The following CCDC141 variants were observed in gnomAD, a reference collection of about 807,000 sequenced individuals.
CCDC141 encodes coiled-coil domain-containing protein 141.
In CCDC141, 168 loss-of-function variants were observed where a neutral mutation model predicts 181.0. The observed-to-expected ratio is 0.93, with a 90% CI of 0.82 to 1.05. CCDC141 has a LOEUF of 1.05. Among genes scored for constraint, CCDC141 ranks in the 50% least tolerant of loss-of-function variants. The probability of loss-of-function intolerance (pLI) is 0.00; values close to 1 mark genes in which losing one functional copy is unlikely to be tolerated. For missense variants in CCDC141, 1,902 were observed against 1,788.5 expected (o/e 1.06, Z -1.14); for synonymous variants, 666 against 642.3 (o/e 1.04, Z -0.56).
At chr2:179,005,287 A>G (rs2042090577) in intron 2 of CCDC141, among the ~76,000 whole-genome samples, 1 of 149,310 alleles carries the variant, frequency 6.7e-6, no homozygotes, top group South Asian at 2.2e-4. Context: ...AGGTTTTCTT[A>G]TACTTGTGAA....
chr2:178,859,755 A>T (rs931580953), intron 17 of CCDC141, among the ~76,000 whole-genome samples: 1 of 152,242 alleles, frequency 6.6e-6, no homozygotes, highest in Non-Finnish European at 1.5e-5. Flanking sequence ...GCTATTTTGA[A>T]ATTAGCAGAA....
At chr2:179,048,939 A>G (rs2043589200) in intron 1 of CCDC141, among the ~76,000 whole-genome samples, 1 of 152,250 alleles carries the variant, frequency 6.6e-6, no homozygotes, top group Non-Finnish European at 1.5e-5. Context: ...ACAAAAGGCC[A>G]GAAAAGTCAT....
At chr2:178,945,850 C>T (rs1000197523) in intron 5 of CCDC141, among the ~76,000 whole-genome samples, 9 of 87,112 alleles carry the variant, frequency 1.0e-4, no homozygotes, top group African/African-American at 3.1e-4. Context: ...ATGACACATG[C>T]GTGCACACAC....
At chr2:178,933,740 C>T (rs112771872) in intron 6 of CCDC141, among the ~76,000 whole-genome samples, 3 of 152,150 alleles carry the variant, frequency 2.0e-5, no homozygotes, top group African/African-American at 7.2e-5. Flanking sequence ...TATTTCATTG[C>T]CCATCTGGTC....
intron 16 of CCDC141, among the ~76,000 whole-genome samples, chr2:178,867,270 C>T (rs1685896189): frequency 2.0e-5 from 3 of 152,112 alleles, no homozygotes; most frequent in Admixed American, 1.3e-4. Context: ...AGATGGTCTT[C>T]CAGATCTGCA....
At position 178,998,039 on chromosome 2, in the gene CCDC141, A is replaced by G. The variant is rs941402140; in HGVS notation, c.226-19364T>C. On this transcript the variant is annotated intron_variant, in intron 2 of 23. Coordinates refer to ENST00000443758, the MANE Select transcript of CCDC141 (RefSeq NM_173648.4). ...ACTTCATATCTGAAAATGCACTTAA[A>G]AGCAAGAGAAATCTCATTTTTGCAT... 6.6e-5 allele frequency among the ~76,000 whole-genome samples: 10 copies of G among 152,178 alleles called. No homozygotes were observed. In the South Asian group the frequency reaches 1.3e-3, roughly 19 times the overall value.
At chr2:178,856,142 A>G in intron 18 of CCDC141, 115 bp downstream of exon 18, 1 of 879,720 alleles carries the variant, frequency 1.1e-6, no homozygotes, top group Non-Finnish European at 1.7e-6. Context: ...TTGAGTCCCA[A>G]TGCTACAAAA....
At chr2:178,910,227 G>A (rs541157686) in intron 7 of CCDC141, among the ~76,000 whole-genome samples, 24 of 152,322 alleles carry the variant, frequency 1.6e-4, no homozygotes, top group East Asian at 1.3e-3. Context: ...AACAAGAGCC[G>A]TGAGTCATCT....
At chr2:178,856,148 C>T (rs1685375841) in intron 18 of CCDC141, 109 bp downstream of exon 18, 3 of 1,021,290 alleles carry the variant, frequency 2.9e-6, no homozygotes, top group South Asian at 2.6e-5. Flanking sequence ...CCCAATGCTA[C>T]AAAAAGCCAG....
rs1166361449 is a variant in CCDC141 at position 178,896,388 on chromosome 2, G to A, written c.1266-7720C>T. Among the ~76,000 whole-genome samples, 6 of 152,150 alleles carry A rather than the reference G, an allele frequency of 3.9e-5. No individual in the cohort carries two copies. The East Asian group carries it at 7.7e-4, about 20-fold the overall frequency. On this transcript the variant is annotated intron_variant, in intron 8 of 23. Coordinates refer to ENST00000443758, the MANE Select transcript of CCDC141 (RefSeq NM_173648.4). ...TTGATGTGCAGCTCCCTGACTGGACGCGGGACAGGTTCTGGGGATTTGGGG... is the reference window on the plus strand; with the variant it reads ...TTGATGTGCAGCTCCCTGACTGGACACGGGACAGGTTCTGGGGATTTGGGG...
At chr2:179,030,983 T>C (rs1174370344) in intron 2 of CCDC141, among the ~76,000 whole-genome samples, 5 of 152,124 alleles carry the variant, frequency 3.3e-5, no homozygotes, top group Admixed American at 1.3e-4. Context: ...TTTAGTCTTC[T>C]TTATTCTCTA....
intron 12 of CCDC141, 42 bp downstream of exon 12, chr2:178,877,922 G>A (rs1686417948): frequency 6.6e-7 from 1 of 1,524,152 alleles, no homozygotes; most frequent in African/African-American, 1.4e-5. Context: ...ACTTTGATGA[G>A]TATCCCTGCA....
intron 2 of CCDC141, among the ~76,000 whole-genome samples, chr2:179,040,299 A>G (rs1260380375): frequency 1.3e-5 from 2 of 152,238 alleles, no homozygotes; most frequent in Admixed American, 1.3e-4. Context: ...AGGGCATCAA[A>G]GAACAAGATG....
intron 2 of CCDC141, among the ~76,000 whole-genome samples, chr2:178,990,031 C>G (rs77866365): frequency 6.6e-6 from 1 of 150,488 alleles, no homozygotes; most frequent in Non-Finnish European, 1.5e-5. Context: ...CCCAGCTACT[C>G]GAGATGCTAA....
intron 2 of CCDC141, among the ~76,000 whole-genome samples, chr2:178,984,880 C>A (rs1230261705): frequency 1.3e-5 from 2 of 151,510 alleles, no homozygotes; most frequent in African/African-American, 4.9e-5. Context: ...GACTTTAACA[C>A]CCCACTGTCA....
intron 6 of CCDC141, among the ~76,000 whole-genome samples, chr2:178,941,121 G>C (rs144386567): frequency 7.2e-4 from 109 of 152,224 alleles, no homozygotes; most frequent in African/African-American, 2.5e-3. Context: ...CTCTTCTCTG[G>C]CTTACACATT....
At chr2:179,044,639 G>T (rs1446358938) in intron 2 of CCDC141, among the ~76,000 whole-genome samples, 1 of 152,134 alleles carries the variant, frequency 6.6e-6, no homozygotes, top group Non-Finnish European at 1.5e-5. Flanking sequence ...ATGCTGGCTG[G>T]GCATGAATTA....
chr2:179,012,498 G>T (rs534147787), intron 2 of CCDC141, among the ~76,000 whole-genome samples: 2 of 152,112 alleles, frequency 1.3e-5, no homozygotes, highest in East Asian at 1.9e-4. Context: ...AACAAAAAAA[G>T]TCCAGGACCA....
chr2:178,997,201 T>C (rs1692327735), intron 2 of CCDC141, among the ~76,000 whole-genome samples: 1 of 152,196 alleles, frequency 6.6e-6, no homozygotes, highest in Non-Finnish European at 1.5e-5. Flanking sequence ...GTAAAGGTGT[T>C]AGGAAGGCCT....
Sources: allele counts gnomAD v4.1 joint callset (sites outside exome capture counted in the v4.1 genomes callset), GRCh38; gene constraint gnomAD v4.1.1; transcripts MANE v1.5; gene names NCBI Gene and HGNC (gene_info 2026-07-23, HGNC 2026-07-21).